The following SYCP2 variants were observed in gnomAD, a reference collection of about 807,000 sequenced individuals.
SYCP2 encodes synaptonemal complex lateral element protein.
Under a neutral mutation model 211.3 loss-of-function variants are expected in SYCP2, and 55 were observed. The ratio of observed to expected loss-of-function variants is 0.26; its 90% CI spans 0.21 to 0.33. The LOEUF (loss-of-function observed/expected upper bound fraction) is 0.33, where lower values mean the gene tolerates loss of function less well. Among genes scored for constraint, SYCP2 ranks in the 10% least tolerant of loss-of-function variants. SYCP2 has a pLI of 1.00. For missense variants in SYCP2, 1,731 were observed against 1,752.0 expected (o/e 0.99, Z 0.21); for synonymous variants, 570 against 555.2 (o/e 1.03, Z -0.37).
In SYCP2 at chr20:59,887,797, GAAGA is replaced by G. The variant is rs367924439; in HGVS notation, c.2365-967_2365-964del. ...ATAAACCTTTAGTCAGGTTAACTAAGAAGAAAGAGAAAAAAAAAACAGAAATTAC... is the reference window on the plus strand; with the variant it reads ...ATAAACCTTTAGTCAGGTTAACTAAGAAGAGAAAAAAAAAACAGAAATTAC... On this transcript the variant is annotated intron_variant, in intron 24 of 44. Coordinates refer to ENST00000357552, the MANE Select transcript of SYCP2 (RefSeq NM_014258.4). 5.1e-3 allele frequency among the ~76,000 whole-genome samples: 766 copies of G among 150,064 alleles called. 3 individuals carry two copies. Among genetic ancestry groups the G allele is most frequent in the African/African-American group, 0.018 (722 of 40,890 alleles).
In SYCP2 at chr20:59,892,041, C is replaced by CTCTGCT; in HGVS notation, c.2307_2312dup (p.Ala770_Glu771dup). 1 of 1,605,908 alleles carries CTCTGCT rather than the reference C, an allele frequency of 6.2e-7. No homozygotes were observed. Among genetic ancestry groups the CTCTGCT allele is most frequent in the Non-Finnish European group, 8.5e-7 (1 of 1,177,140 alleles). On this transcript the variant is annotated inframe_insertion, in exon 24 of 45. Coordinates refer to ENST00000357552, the MANE Select transcript of SYCP2 (RefSeq NM_014258.4). ...AATTAAGCTCAGAAGTCAATTCTTT[C>CTCTGCT]TCTGCTTTTCTATGACTTTGCACAT...
intron 26 of SYCP2, among the ~76,000 whole-genome samples, chr20:59,884,391 AAAG>A (rs2059745945): frequency 2.0e-5 from 3 of 152,096 alleles, no homozygotes; most frequent in Admixed American, 6.6e-5. Flanking sequence ...GAGGGCAAAA[AAAG>A]AAGTTAAATA....
chr20:59,932,484 G>C (rs561890743), intron 1 of SYCP2, among the ~76,000 whole-genome samples: 2 of 151,922 alleles, frequency 1.3e-5, no homozygotes, highest in Non-Finnish European at 2.9e-5. Flanking sequence ...GAGACCAGCC[G>C]GGCCAACATG....
chr20:59,870,759 C>T (rs1157477346), intron 35 of SYCP2, among the ~76,000 whole-genome samples: 1 of 151,668 alleles, frequency 6.6e-6, no homozygotes, highest in Non-Finnish European at 1.5e-5. Context: ...GGTATTAGCA[C>T]AGAGATAGAT....
chr20:59,920,948 C>A (rs537719637), intron 4 of SYCP2, among the ~76,000 whole-genome samples: 2 of 151,574 alleles, frequency 1.3e-5, no homozygotes, highest in South Asian at 4.2e-4. Context: ...TTAGTTTTGA[C>A]AGAAGTAGGC....
chr20:59,883,401 G>A (rs2059721763), intron 26 of SYCP2, among the ~76,000 whole-genome samples: 1 of 151,926 alleles, frequency 6.6e-6, no homozygotes. Context: ...TATGTTCATT[G>A]CAGTAGTATT....
Position 59,915,179 on chromosome 20 carries a change from A to G in SYCP2, c.620T>C (p.Ile207Thr), listed in dbSNP as rs2060413454. 1 of 1,581,310 alleles carries G rather than the reference A, an allele frequency of 6.3e-7. No homozygotes were observed. Among genetic ancestry groups the G allele is most frequent in the Non-Finnish European group, 8.7e-7 (1 of 1,151,672 alleles). Residue 207 changes from isoleucine (I) to threonine (T), a missense_variant, in exon 10 of 45, where the codon ATT becomes ACT. Physicochemically the swap from Ile to Thr is moderately conservative, Grantham distance 89 (BLOSUM62 -1). Around this residue, in one of 3 missense-constraint regions of SYCP2, gnomAD observed 335 missense variants for 378.8 expected, o/e 0.88. Coordinates refer to ENST00000357552, the MANE Select transcript of SYCP2 (RefSeq NM_014258.4). ...GACATACTTACCTCCAGCATCTAAA[A>G]TCCTTTCTCCCATACTACTCCTGTG... ...LILMSSMGER[I>T]LDAGDYDLQV...
chr20:59,903,564 G>C (rs2060157912), intron 15 of SYCP2, among the ~76,000 whole-genome samples: 1 of 152,068 alleles, frequency 6.6e-6, no homozygotes. Flanking sequence ...TGTGTGTGGA[G>C]AACTTGGAGA....
Position 59,922,376 on chromosome 20 carries a change from C to T in SYCP2, c.24+14G>A. On this transcript the variant is annotated intron_variant, in intron 3 of 44. Coordinates refer to ENST00000357552, the MANE Select transcript of SYCP2 (RefSeq NM_014258.4). Reference sequence around the variant, plus strand: ...CAGAATGAAAATACTTACTTTTGGTCTAGGACTACATACCTGGAGATCTGG... The same window carrying T: ...CAGAATGAAAATACTTACTTTTGGTTTAGGACTACATACCTGGAGATCTGG... 12 of 1,565,708 alleles carry T rather than the reference C, an allele frequency of 7.7e-6. No homozygotes were observed. Among genetic ancestry groups the T allele is most frequent in the Non-Finnish European group, 1.0e-5 (12 of 1,162,190 alleles).
In SYCP2 at chr20:59,915,316, T is replaced by TAAAA. The variant is rs1464342085; in HGVS notation, c.600-118_600-117insTTTT. The TAAAA allele has an allele frequency of 3.9e-6, 4 of 1,021,968 alleles. No homozygotes were observed. In the East Asian group the frequency reaches 9.6e-5, roughly 25 times the overall value. 63.3% of individuals were successfully genotyped at this position (1,021,968 alleles called of 1,614,324 possible). ...TTACAATTGGCTAATATCATCGACT[T>TAAAA]TTGCAGAAATTATATGCATACACTA... On this transcript the variant is annotated intron_variant, in intron 9 of 44. Transcript: ENST00000357552.
At chr20:59,919,739 T>C in intron 5 of SYCP2, 142 bp from the exon 6 acceptor site, 1 of 504,600 alleles carries the variant, frequency 2.0e-6, no homozygotes, top group South Asian at 3.5e-5. Context: ...AAATTCATGT[T>C]TTTAAAGATC....
intron 35 of SYCP2, among the ~76,000 whole-genome samples, chr20:59,873,417 A>C (rs1219870379): frequency 2.0e-5 from 3 of 152,178 alleles, no homozygotes; most frequent in Non-Finnish European, 4.4e-5. Context: ...CAGCATGGAT[A>C]CTCTGGACAA....
chr20:59,915,047 T>A (rs2060410754), intron 10 of SYCP2, 118 bp downstream of exon 10: 1 of 709,782 alleles, frequency 1.4e-6, no homozygotes, highest in Middle Eastern at 3.8e-4. Context: ...TGCTTAATTG[T>A]ACATAATGTT....
At chr20:59,897,434 G>A (rs2060031349) in intron 18 of SYCP2, among the ~76,000 whole-genome samples, 2 of 152,184 alleles carry the variant, frequency 1.3e-5, no homozygotes, top group African/African-American at 4.8e-5. Flanking sequence ...GCCTCAAACA[G>A]TTCATCCTTA....
chr20:59,895,529 C>G lies in SYCP2; in HGVS notation c.1573G>C (p.Val525Leu). The G allele has an allele frequency of 6.2e-7, 1 of 1,611,770 alleles. No homozygotes were observed. Among genetic ancestry groups the G allele is most frequent in the Non-Finnish European group, 8.5e-7 (1 of 1,178,292 alleles). The change falls in exon 20 of 45, where the codon GTT (valine) becomes CTT (leucine). Residue 525 changes from valine to leucine, a missense_variant. By Grantham distance (32) the Val-to-Leu change is conservative. Around this residue, in one of 3 missense-constraint regions of SYCP2, gnomAD observed 1,387 missense variants for 1,351.3 expected, o/e 1.03. Transcript: ENST00000357552. ...QMTSSAEKPS[V>L]SQTSENRVDN... ...ACTCTATTTTCTGATGTTTGAGAAA[C>G]ACTAGGTTTCTCTGCAGAGCTCGTC...
In SYCP2 at chr20:59,933,579, A is replaced by C. The variant is rs1465740014; in HGVS notation, c.-150T>G. ...CTCTGCTCAACCTGCCTGCGGCAGG[A>C]GGCGTCCGCGTAGTGTCGGTGGAGC... is the stretch of plus-strand genomic sequence containing the variant. On this transcript the variant is annotated 5_prime_UTR_variant, in exon 1 of 45. Coordinates refer to ENST00000357552, the MANE Select transcript of SYCP2 (RefSeq NM_014258.4). The C allele has an allele frequency of 6.6e-6, 1 of 151,884 alleles. No individual in the cohort carries two copies. The allele number at this position is 151,884 out of a possible 1,614,324, so 9.4% of individuals were successfully genotyped here.
chr20:59,880,281 T>C (rs936939421), intron 31 of SYCP2, 22 bp downstream of exon 31: 2 of 1,540,656 alleles, frequency 1.3e-6, no homozygotes, highest in Non-Finnish European at 1.8e-6. Flanking sequence ...TTGCAACATT[T>C]ATCCAAAAGA....
intron 24 of SYCP2, among the ~76,000 whole-genome samples, chr20:59,887,959 A>G (rs2059827422): frequency 6.6e-6 from 1 of 152,218 alleles, no homozygotes. Context: ...ACAATCTACC[A>G]AAACCTATGT....
intron 2 of SYCP2, among the ~76,000 whole-genome samples, chr20:59,931,298 T>G (rs1176237178): frequency 6.6e-6 from 1 of 152,146 alleles, no homozygotes; most frequent in East Asian, 1.9e-4. Context: ...GCAGCTGTGG[T>G]CTAGCTAATC....
Sources: gnomAD v4.1 joint callset for allele counts (sites outside exome capture counted in the v4.1 genomes callset) on GRCh38, gnomAD v4.1.1 for gene constraint, gnomAD v4.1.1 regional missense constraint, MANE v1.5 for transcripts, NCBI Gene and HGNC (gene_info 2026-07-23, HGNC 2026-07-21) for gene names.